Variants in PKIG observed in about 807,000 individuals in gnomAD.
PKIG encodes protein kinase (cAMP-dependent, catalytic) inhibitor gamma.
PKIG carries 1 observed loss-of-function variant against 6.8 expected under a neutral mutation model. The ratio of observed to expected loss-of-function variants is 0.15; its 90% CI spans 0.05 to 0.69. The LOEUF is 0.69. Ranked by LOEUF, PKIG falls within the 30% of genes least tolerant of loss-of-function variation. The pLI, the probability that PKIG is intolerant of heterozygous loss-of-function variation, is 0.82. For missense variants in PKIG, 77 were observed against 104.0 expected, an observed-to-expected ratio of 0.74 and a Z score of 1.13; for synonymous variants, 39 against 43.0, an observed-to-expected ratio of 0.91 and a Z score of 0.36.
chr20:44,566,493 T>C (rs994025561), intron 1 of PKIG, among the ~76,000 whole-genome samples: 3 of 152,280 alleles, frequency 2.0e-5, no homozygotes, highest in African/African-American at 7.2e-5. Flanking sequence ...ATATATTATA[T>C]GTAAATGAAA....
intron 1 of PKIG, among the ~76,000 whole-genome samples, chr20:44,573,062 G>A (rs1483982363): frequency 6.6e-6 from 1 of 152,208 alleles, no homozygotes; most frequent in African/African-American, 2.4e-5. Context: ...GGCACGCATG[G>A]CTCATTTCTT....
chr20:44,543,295 C>T (rs527694741), intron 1 of PKIG, among the ~76,000 whole-genome samples: 6 of 151,806 alleles, frequency 4.0e-5, no homozygotes, highest in South Asian at 4.2e-4. Flanking sequence ...GCCTTTGATA[C>T]GTGCACACTT....
chr20:44,579,714 A>T (rs1465335255), upstream of PKIG, among the ~76,000 whole-genome samples: 1 of 152,240 alleles, frequency 6.6e-6, no homozygotes, highest in Non-Finnish European at 1.5e-5. Flanking sequence ...GTCTTCCGGG[A>T]TTCTGTCACA....
Position 44,567,088 on chromosome 20 carries a change from G to A in PKIG, c.-240-15497G>A, listed in dbSNP as rs1040670081. 1.8e-4 allele frequency among the ~76,000 whole-genome samples: 28 copies of A among 152,234 alleles called. 1 individual carries two copies. The South Asian group carries it at 1.9e-3, about 10-fold the overall frequency. ...TGCTCCAGCTGGTTTAAGCAGAAAA[G>A]CATTTCTTAAAAAAAAGTAGGGATC... On this transcript the variant is annotated intron_variant, in intron 1 of 4. Coordinates refer to the PKIG transcript ENST00000372887.
At chr20:44,548,854 C>CCACACACACACACACA (rs11469110) in intron 1 of PKIG, among the ~76,000 whole-genome samples, 1 of 135,584 alleles carries the variant, frequency 7.4e-6, no homozygotes, top group Admixed American at 7.6e-5. Flanking sequence ...ACTCCTCCCA[C>CCACACACACACACACA]CACACACACA....
At position 44,566,667 on chromosome 20, in the gene PKIG, G is replaced by A. The variant is rs564969139; in HGVS notation, c.-240-15918G>A. 3.9e-5 allele frequency among the ~76,000 whole-genome samples: 6 copies of A among 152,212 alleles called. No homozygotes were observed. In the East Asian group the frequency reaches 1.2e-3, roughly 29 times the overall value. On this transcript the variant is annotated intron_variant, in intron 1 of 4. Coordinates refer to the PKIG transcript ENST00000372887. ...TCGAGACCAGCCTGGCCAACATGGC[G>A]AAATCCCGTCTCTACTAAAAATACA...
chr20:44,614,828 G>A lies in PKIG; in HGVS notation c.151+121G>A. On this transcript the variant is annotated intron_variant, in intron 3 of 3. Transcript: ENST00000372886. This position sits in a 1 kb window ranked among gnomAD's most constrained non-coding sequence, Gnocchi z 4.6. Reference sequence around the variant, plus strand: ...AGAGAAGAAACCACATTTAAGTCAGGCCTGCCCCATGGTCAGTGGCAGAGT... The same window carrying A: ...AGAGAAGAAACCACATTTAAGTCAGACCTGCCCCATGGTCAGTGGCAGAGT... 9.9e-7 allele frequency: 1 copy of A among 1,013,236 alleles called. No individual in the cohort carries two copies. The highest frequency in any genetic ancestry group is 1.4e-6 in the Non-Finnish European group (1 of 699,898). 62.8% of individuals were successfully genotyped at this position (1,013,236 alleles called of 1,614,324 possible).
chr20:44,595,675 G>T (rs776371970), intron 2 of PKIG, among the ~76,000 whole-genome samples: 1 of 152,032 alleles, frequency 6.6e-6, no homozygotes, highest in South Asian at 2.1e-4. Flanking sequence ...CACCATGCCC[G>T]GCTAATTTTT....
intron 2 of PKIG, among the ~76,000 whole-genome samples, chr20:44,603,203 G>C (rs888757600): frequency 1.3e-5 from 2 of 152,174 alleles, no homozygotes; most frequent in African/African-American, 4.8e-5. Flanking sequence ...TTAATCTTCT[G>C]TAGCACCGTT....
At chr20:44,565,036 A>G (rs1444227728) in intron 1 of PKIG, among the ~76,000 whole-genome samples, 3 of 152,218 alleles carry the variant, frequency 2.0e-5, no homozygotes, top group Admixed American at 6.5e-5. Context: ...GAATACTACT[A>G]TGCTACTTGT....
rs866556477 is a variant in PKIG, at chr20:44,568,392, C to T, written c.-240-14193C>T. On this transcript the variant is annotated intron_variant, in intron 1 of 4. Transcript: ENST00000372887. The stretch of plus-strand genomic sequence containing the variant: ...CTGATATGCTACTGATTAATAGTTT[C>T]TTCCATTTTTTTCTACTTTCCGTTT... Among the ~76,000 whole-genome samples the T allele has an allele frequency of 5.3e-5, 8 of 151,904 alleles. No homozygotes were observed. In the South Asian group the frequency reaches 8.3e-4, roughly 16 times the overall value.
At chr20:44,547,154 A>G in intron 1 of PKIG, among the ~76,000 whole-genome samples, 1 of 152,226 alleles carries the variant, frequency 6.6e-6, no homozygotes. Flanking sequence ...ACTGTCTTCT[A>G]TTATTGCATA....
chr20:44,554,076 A>ATT (rs3092226), intron 1 of PKIG, among the ~76,000 whole-genome samples: 9 of 147,766 alleles, frequency 6.1e-5, no homozygotes, highest in Admixed American at 2.0e-4. Flanking sequence ...TTAAAAAAAA[A>ATT]TTTTTTTTTT....
chr20:44,587,811 T>C (rs982198368), intron 1 of PKIG, among the ~76,000 whole-genome samples: 1 of 152,226 alleles, frequency 6.6e-6, no homozygotes, highest in African/African-American at 2.4e-5. Flanking sequence ...GTCTCATGTT[T>C]GTTTGCATAT....
At chr20:44,605,531 G>A (rs929848073) in intron 2 of PKIG, among the ~76,000 whole-genome samples, 1 of 151,976 alleles carries the variant, frequency 6.6e-6, no homozygotes, top group Non-Finnish European at 1.5e-5. Flanking sequence ...TTTGAGATAG[G>A]TAGAAAAAAT....
At chr20:44,533,660 G>A (rs2064487497) in intron 1 of PKIG, among the ~76,000 whole-genome samples, 2 of 151,808 alleles carry the variant, frequency 1.3e-5, no homozygotes, top group South Asian at 4.1e-4. Flanking sequence ...AATATTGAAA[G>A]AGATCCATCC....
At chr20:44,560,758 G>C (rs2064759478) in intron 1 of PKIG, among the ~76,000 whole-genome samples, 1 of 152,156 alleles carries the variant, frequency 6.6e-6, no homozygotes. Context: ...CATCATTATG[G>C]TTCTCAAGTA....
intron 1 of PKIG, among the ~76,000 whole-genome samples, chr20:44,540,776 T>C (rs1450536657): frequency 6.6e-6 from 1 of 152,066 alleles, no homozygotes; most frequent in African/African-American, 2.4e-5. Context: ...GAGACAGGAT[T>C]TCACCATGTT....
At chr20:44,578,778 C>G (rs2064922438), upstream of PKIG, among the ~76,000 whole-genome samples, 1 of 152,186 alleles carries the variant, frequency 6.6e-6, no homozygotes, top group South Asian at 2.1e-4. Context: ...ACAAATTAAT[C>G]AATCTGTGCC....
Sources: allele counts gnomAD v4.1 joint callset (sites outside exome capture counted in the v4.1 genomes callset), GRCh38; gene constraint gnomAD v4.1.1; non-coding constraint Gnocchi (gnomAD v3.1); transcripts MANE v1.5; gene names NCBI Gene and HGNC (gene_info 2026-07-23, HGNC 2026-07-21).